Variants in SEMA4G observed in about 807,000 individuals in gnomAD.
SEMA4G encodes the protein semaphorin 4G.
A neutral mutation model predicts 81.2 loss-of-function variants in SEMA4G; 59 were observed. That is an observed-to-expected ratio of 0.73 (90% CI 0.59 to 0.90). The LOEUF (loss-of-function observed/expected upper bound fraction) is 0.90, where lower values mean the gene tolerates loss of function less well. SEMA4G is among the 40% of genes least tolerant of loss of function. SEMA4G has a pLI of 0.00. For synonymous variants in SEMA4G, 404 were observed against 433.9 expected (o/e 0.93, Z 0.86); for missense variants, 952 against 1,102.3 (o/e 0.86, Z 1.93).
At chr10:100,978,200 C>A in intron 4 of SEMA4G, 95 bp from the exon 6 acceptor site, 1 of 841,776 alleles carries the variant, frequency 1.2e-6, no homozygotes, top group South Asian at 1.6e-5. Context: ...GCCCCTATCC[C>A]TGATCGCTGA....
intron 3 of SEMA4G, chr10:100,975,214 T>A (rs1477812687): frequency 2.9e-6 from 1 of 349,338 alleles, no homozygotes; most frequent in Admixed American, 4.0e-5. Flanking sequence ...AACTTTAATG[T>A]ATCACCCAGG....
At chr10:100,979,816 A>G (rs2133882397) in intron 8 of SEMA4G, 32 bp from the exon 10 acceptor site, 1 of 1,609,632 alleles carries the variant, frequency 6.2e-7, no homozygotes, top group Non-Finnish European at 8.5e-7. Flanking sequence ...ACTCCATGTA[A>G]CTCACCCCCC....
chr10:100,981,509 T>C (rs1851073159), intron 13 of SEMA4G: 6 of 1,614,186 alleles, frequency 3.7e-6, no homozygotes, highest in Non-Finnish European at 5.1e-6. Context: ...GTAATGGGTA[T>C]TTCCCCAAGG....
downstream of SEMA4G, chr10:100,985,207 A>G: frequency 3.3e-6 from 1 of 303,340 alleles, no homozygotes; most frequent in Non-Finnish European, 6.1e-6. Flanking sequence ...CTCAACTGGC[A>G]CATGAAGCCC....
chr10:100,971,231 C>G (rs1244682257), upstream of SEMA4G, among the ~76,000 whole-genome samples: 1 of 152,216 alleles, frequency 6.6e-6, no homozygotes, highest in Non-Finnish European at 1.5e-5. Context: ...CTCCTCTAAC[C>G]TGGGGCATGT....
At chr10:100,977,716 C>T in exon 4 of SEMA4G, 1 of 1,613,810 alleles carries the variant, frequency 6.2e-7, no homozygotes, top group African/African-American at 1.3e-5. Flanking sequence ...CTTCCAGCCC[C>T]TCTGTGCAGC....
At position 100,973,066 on chromosome 10, in the gene SEMA4G, A is replaced by G; in HGVS notation, c.124+30A>G. Reference sequence around the variant, plus strand: ...GACCCTCAACCTCAAAAGGCAGCAGAAGCCAGGGCTGGGGGTGGGGAGGCA... The same window carrying G: ...GACCCTCAACCTCAAAAGGCAGCAGGAGCCAGGGCTGGGGGTGGGGAGGCA... On this transcript the variant is annotated intron_variant, in intron 1 of 13. Coordinates refer to ENST00000370250, the Ensembl canonical transcript of SEMA4G. The surrounding 1 kb of genome is among the most constrained non-coding windows in gnomAD (Gnocchi z 5.5). The G allele has an allele frequency of 5.6e-6, 9 of 1,614,136 alleles. No homozygotes were observed. The highest frequency in any genetic ancestry group is 7.6e-6 in the Non-Finnish European group (9 of 1,180,018).
At chr10:100,981,671 G>T in intron 13 of SEMA4G, 1 of 1,195,700 alleles carries the variant, frequency 8.4e-7, no homozygotes, top group Non-Finnish European at 1.2e-6. Flanking sequence ...TGAGAAAGGT[G>T]CCATTATTAT....
Position 100,982,805 on chromosome 10 carries a change from A to T in SEMA4G, c.1691-500A>T, listed in dbSNP as rs7098461. Among the ~76,000 whole-genome samples the T allele has an allele frequency of 4.4e-3, 677 of 152,324 alleles. 7 individuals are homozygous for T. The highest frequency in any genetic ancestry group is 0.016 in the African/African-American group (659 of 41,560). The stretch of plus-strand genomic sequence containing the variant: ...AGACTCCGTCTCAAAAAAACAAAAC[A>T]AAACAAAAAGGCGAGCAAGAAAGAG... On this transcript the variant is annotated intron_variant, in intron 13 of 13. Coordinates refer to ENST00000370250, the Ensembl canonical transcript of SEMA4G.
chr10:100,977,484 T>C, intron 3 of SEMA4G, 148 bp from the exon 5 acceptor site: 3 of 691,442 alleles, frequency 4.3e-6, no homozygotes, highest in Non-Finnish European at 5.2e-6. Flanking sequence ...CCAGGAAATA[T>C]TCTGGAGCAG....
At chr10:100,979,535 A>C (rs1850956912) in intron 8 of SEMA4G, among the ~76,000 whole-genome samples, 1 of 152,046 alleles carries the variant, frequency 6.6e-6, no homozygotes, top group African/African-American at 2.4e-5. Flanking sequence ...GGCGTGTGCC[A>C]CCACGCCTGG....
chr10:100,969,703 C>G (rs1850574227), upstream of SEMA4G: 1 of 375,264 alleles, frequency 2.7e-6, no homozygotes, highest in African/African-American at 2.1e-5. Context: ...TGGGCCAGGC[C>G]TTTCTCACCA....
exon 8 of SEMA4G, chr10:100,979,262 G>A: frequency 5.6e-6 from 9 of 1,614,214 alleles, no homozygotes; most frequent in Non-Finnish European, 6.8e-6. Context: ...TTCACGCTGA[G>A]CACACAGTGG....
intron 4 of SEMA4G, 128 bp downstream of exon 5, chr10:100,977,858 A>T: frequency 1.3e-6 from 1 of 764,038 alleles, no homozygotes; most frequent in South Asian, 1.5e-5. Flanking sequence ...ACTTCCATAC[A>T]GGGCACTCCA....
rs747182765 is a variant in SEMA4G at position 100,981,013 on chromosome 10, G to C, written c.1628+31G>C. The stretch of plus-strand genomic sequence containing the variant: ...AGGGAAGCAGGTGGGAAGTGGTGGG[G>C]GGTGACAGTCACATGTGGTCTGAGT... On this transcript the variant is annotated intron_variant, in intron 12 of 13. Transcript: ENST00000370250. 14 of 1,593,148 alleles carry C rather than the reference G, an allele frequency of 8.8e-6. No homozygotes were observed. Among genetic ancestry groups the C allele is most frequent in the Non-Finnish European group, 1.0e-5 (12 of 1,170,352 alleles).
chr10:100,984,636 G>T (rs562213978), exon 14 of SEMA4G: 1 of 1,536,160 alleles, frequency 6.5e-7, no homozygotes, highest in Non-Finnish European at 8.7e-7. Context: ...ATGTTTATCG[G>T]CTGGGCTGCA....
At chr10:100,972,849 G>A (rs1442004696) in exon 1 of SEMA4G, 29 of 1,541,144 alleles carry the variant, frequency 1.9e-5, no homozygotes, top group South Asian at 1.4e-4. Context: ...CCCATTCCCC[G>A]CCCCCACAAC....
chr10:100,969,642 C>G (rs1418997497), upstream of SEMA4G: 3 of 323,586 alleles, frequency 9.3e-6, no homozygotes, highest in Non-Finnish European at 1.3e-5. Flanking sequence ...CCTGGGGCTG[C>G]GGGCCGGGGG....
At chr10:100,982,181 G>T (rs1589995425) in intron 13 of SEMA4G, among the ~76,000 whole-genome samples, 1 of 151,910 alleles carries the variant, frequency 6.6e-6, no homozygotes, top group Non-Finnish European at 1.5e-5. Flanking sequence ...GGCAAGCAGA[G>T]GACATGGGGT....
Sources: gnomAD v4.1 joint callset for allele counts (sites outside exome capture counted in the v4.1 genomes callset) on GRCh38, gnomAD v4.1.1 for gene constraint, Gnocchi (gnomAD v3.1) non-coding constraint, MANE v1.5 for transcripts, NCBI Gene and HGNC (gene_info 2026-07-23, HGNC 2026-07-21) for gene names.